Variants in MMP16 observed in about 807,000 individuals in gnomAD.
MMP16 encodes matrix metalloproteinase-16.
A neutral mutation model predicts 67.8 loss-of-function variants in MMP16; 12 were observed. That is an observed-to-expected ratio of 0.18 (90% CI 0.11 to 0.29). The LOEUF (loss-of-function observed/expected upper bound fraction) is 0.29, where lower values mean the gene tolerates loss of function less well. MMP16 is among the 10% of genes least tolerant of loss of function. The pLI, the probability that MMP16 is intolerant of heterozygous loss-of-function variation, is 1.00. For synonymous variants in MMP16, 249 were observed against 255.9 expected, an observed-to-expected ratio of 0.97 and a Z score of 0.26; for missense variants, 475 against 765.7, an observed-to-expected ratio of 0.62 and a Z score of 4.48.
At chr8:88,107,516 T>C (rs145291179) in intron 6 of MMP16, among the ~76,000 whole-genome samples, 29 of 151,238 alleles carry the variant, frequency 1.9e-4, no homozygotes, top group African/African-American at 6.5e-4. Flanking sequence ...ATATTTCATG[T>C]TATATTTTCT....
intron 6 of MMP16, among the ~76,000 whole-genome samples, chr8:88,107,842 TAAG>T (rs1349510498): frequency 4.6e-5 from 7 of 151,088 alleles, no homozygotes; most frequent in Non-Finnish European, 8.9e-5. Context: ...TAAAAACTAT[TAAG>T]AATAAAAACA....
At chr8:88,157,712 T>G (rs972229141) in intron 4 of MMP16, among the ~76,000 whole-genome samples, 1 of 152,178 alleles carries the variant, frequency 6.6e-6, no homozygotes, top group African/African-American at 2.4e-5. Context: ...AGGGTACATG[T>G]GCACAATGTG....
chr8:88,324,556 C>A (rs1811509106), intron 1 of MMP16, among the ~76,000 whole-genome samples: 1 of 151,978 alleles, frequency 6.6e-6, no homozygotes, highest in African/African-American at 2.4e-5. Flanking sequence ...TCTGTGCTTA[C>A]TGAAAAAAAA....
intron 8 of MMP16, among the ~76,000 whole-genome samples, chr8:88,051,733 G>A (rs962121528): frequency 2.0e-5 from 3 of 152,022 alleles, no homozygotes; most frequent in Admixed American, 2.0e-4. Flanking sequence ...AATAAAGTAG[G>A]TCTACATTTT....
chr8:88,173,296 C>T (rs1324042208), intron 3 of MMP16, among the ~76,000 whole-genome samples: 1 of 152,146 alleles, frequency 6.6e-6, no homozygotes, highest in Non-Finnish European at 1.5e-5. Flanking sequence ...AAGCGATTCA[C>T]TCACCTTGGC....
intron 4 of MMP16, among the ~76,000 whole-genome samples, chr8:88,151,349 T>C (rs982093828): frequency 9.3e-5 from 14 of 150,052 alleles, no homozygotes; most frequent in Non-Finnish European, 1.6e-4. Context: ...AACTCAGCTC[T>C]GTACCAAGCG....
At chr8:88,240,453 C>G (rs568032170) in intron 1 of MMP16, among the ~76,000 whole-genome samples, 4 of 152,140 alleles carry the variant, frequency 2.6e-5, no homozygotes, top group African/African-American at 9.6e-5. Context: ...GCAGCAAGGA[C>G]AGAGTGGAGA....
intron 1 of MMP16, among the ~76,000 whole-genome samples, chr8:88,326,466 GA>G (rs1811538872): frequency 6.6e-6 from 1 of 151,794 alleles, no homozygotes; most frequent in South Asian, 2.1e-4. Flanking sequence ...GGGGGAGGGG[GA>G]AAGAAGACAC....
intron 7 of MMP16, among the ~76,000 whole-genome samples, chr8:88,071,941 G>A (rs1808563914): frequency 6.6e-6 from 1 of 152,024 alleles, no homozygotes; most frequent in Non-Finnish European, 1.5e-5. Flanking sequence ...CCCAGTTTAA[G>A]ATATTGGGGA....
At chr8:88,182,210 A>G (rs1406671905) in intron 3 of MMP16, among the ~76,000 whole-genome samples, 2 of 152,246 alleles carry the variant, frequency 1.3e-5, no homozygotes, top group East Asian at 3.9e-4. Context: ...AAGAGAATAA[A>G]AAGACAAGCC....
chr8:88,262,246 C>T (rs1423878572), intron 1 of MMP16, among the ~76,000 whole-genome samples: 1 of 152,182 alleles, frequency 6.6e-6, no homozygotes, highest in African/African-American at 2.4e-5. Flanking sequence ...GAAATTTTAT[C>T]AAACGTGGCA....
At chr8:88,091,519 G>GA (rs1190904442) in intron 6 of MMP16, among the ~76,000 whole-genome samples, 1 of 151,196 alleles carries the variant, frequency 6.6e-6, no homozygotes, top group Non-Finnish European at 1.5e-5. Flanking sequence ...TATGCCACAG[G>GA]AAAAACAAAT....
intron 4 of MMP16, among the ~76,000 whole-genome samples, chr8:88,126,811 G>A (rs906988136): frequency 3.9e-5 from 6 of 151,986 alleles, no homozygotes; most frequent in East Asian, 1.9e-4. Flanking sequence ...TTGGTAAAGT[G>A]GGTGTGACAT....
At chr8:88,274,847 C>A (rs1810620123) in intron 1 of MMP16, among the ~76,000 whole-genome samples, 1 of 151,852 alleles carries the variant, frequency 6.6e-6, no homozygotes, top group South Asian at 2.1e-4. Flanking sequence ...ACATCACTAC[C>A]AAGAACATTC....
intron 1 of MMP16, among the ~76,000 whole-genome samples, chr8:88,252,381 G>T (rs1810239411): frequency 1.3e-5 from 2 of 151,910 alleles, no homozygotes; most frequent in Admixed American, 1.3e-4. Flanking sequence ...CCCTCCAACT[G>T]ATTTCTCAGT....
At chr8:88,223,624 T>C (rs1809721181) in intron 1 of MMP16, among the ~76,000 whole-genome samples, 1 of 139,514 alleles carries the variant, frequency 7.2e-6, no homozygotes, top group African/African-American at 2.7e-5. Context: ...TTGTCACTCA[T>C]AGGTGGGAAC....
At chr8:88,316,276 A>G (rs2130076860) in intron 1 of MMP16, among the ~76,000 whole-genome samples, 1 of 152,328 alleles carries the variant, frequency 6.6e-6, no homozygotes, top group Non-Finnish European at 1.5e-5. Flanking sequence ...TTCAATATAG[A>G]CAAAACAGCC....
At chr8:88,162,539 T>G (rs1360806133) in intron 4 of MMP16, among the ~76,000 whole-genome samples, 1 of 152,044 alleles carries the variant, frequency 6.6e-6, no homozygotes, top group Admixed American at 6.6e-5. Context: ...AGTCCTTCCC[T>G]TTTCAAAAAC....
At chr8:88,180,339 AC>A (rs1343463979) in intron 3 of MMP16, among the ~76,000 whole-genome samples, 1 of 151,854 alleles carries the variant, frequency 6.6e-6, no homozygotes, top group Non-Finnish European at 1.5e-5. Context: ...GTAAAAAAAA[AC>A]AACAAAATTT....
Sources: gnomAD v4.1 joint callset for allele counts (sites outside exome capture counted in the v4.1 genomes callset) on GRCh38, gnomAD v4.1.1 for gene constraint, MANE v1.5 for transcripts, NCBI Gene and HGNC (gene_info 2026-07-23, HGNC 2026-07-21) for gene names.